The following WDR25 variants were observed in gnomAD, a reference collection of about 807,000 sequenced individuals.
WDR25 encodes WD repeat-containing protein 25.
WDR25 carries 35 observed loss-of-function variants against 47.7 expected under a neutral mutation model. The ratio of observed to expected loss-of-function variants is 0.73; its 90% CI spans 0.56 to 0.97. The LOEUF (loss-of-function observed/expected upper bound fraction) is 0.97. Ranked by LOEUF, WDR25 falls within the 50% of genes least tolerant of loss-of-function variation. WDR25 has a pLI of 0.00. For synonymous variants in WDR25, 248 were observed against 278.9 expected (o/e 0.89, Z 1.10); for missense variants, 634 against 704.7 (o/e 0.90, Z 1.14).
chr14:100,425,016 C>A lies in WDR25; in HGVS notation c.823-43005C>A, dbSNP rs906363471. On this transcript the variant is annotated intron_variant, in intron 2 of 6. Coordinates refer to ENST00000402312, the MANE Select transcript of WDR25 (RefSeq NM_001161476.3). This position sits in a 1 kb window ranked among gnomAD's most constrained non-coding sequence, Gnocchi z 4.8. The stretch of plus-strand genomic sequence containing the variant: ...CTGTCTGTTTCTCTCTTCATCCACA[C>A]CTTCCTGGCCCAGGCTACCATCATA... Among the ~76,000 whole-genome samples the A allele has an allele frequency of 6.6e-6, 1 of 152,188 alleles. No individual in the cohort carries two copies. Among genetic ancestry groups the A allele is most frequent in the East Asian group, 1.9e-4 (1 of 5,198 alleles).
intron 2 of WDR25, among the ~76,000 whole-genome samples, chr14:100,412,832 TTTG>T (rs1377342057): frequency 6.6e-6 from 1 of 152,200 alleles, no homozygotes; most frequent in African/African-American, 2.4e-5. Flanking sequence ...GCTGAATGGT[TTTG>T]TTGTTGTCGT....
chr14:100,498,555 G>A lies in WDR25; in HGVS notation c.1101+14431G>A, dbSNP rs1471128701. Among the ~76,000 whole-genome samples, 1 of 152,182 alleles carries A rather than the reference G, an allele frequency of 6.6e-6. No homozygotes were observed. Among genetic ancestry groups the A allele is most frequent in the Non-Finnish European group, 1.5e-5 (1 of 68,032 alleles). On this transcript the variant is annotated intron_variant, in intron 4 of 6. Coordinates refer to ENST00000402312, the MANE Select transcript of WDR25 (RefSeq NM_001161476.3). The surrounding 1 kb of genome is among the most constrained non-coding windows in gnomAD (Gnocchi z 4.2). ...GTCTTCCTAGTTTAGAGGATTCAGAGAAGCTGCAGGAAATGTCTCTTGCCC... is the reference window on the plus strand; with the variant it reads ...GTCTTCCTAGTTTAGAGGATTCAGAAAAGCTGCAGGAAATGTCTCTTGCCC...
chr14:100,491,348 G>A (rs529926281), intron 4 of WDR25, among the ~76,000 whole-genome samples: 1 of 152,330 alleles, frequency 6.6e-6, no homozygotes, highest in East Asian at 1.9e-4. Flanking sequence ...TGTTCACAGT[G>A]TGAATTCAGC....
Position 100,407,963 on chromosome 14 carries a change from C to A in WDR25, c.822+26217C>A, listed in dbSNP as rs932724137. Reference sequence around the variant, plus strand: ...AGTGGGAGAGGGTGCAAGAACTGGCCCTGGAGACAGGGGAGGGGTTGTGAG... The same window carrying A: ...AGTGGGAGAGGGTGCAAGAACTGGCACTGGAGACAGGGGAGGGGTTGTGAG... On this transcript the variant is annotated intron_variant, in intron 2 of 6. Transcript: ENST00000402312. The surrounding 1 kb of genome is among the most constrained non-coding windows in gnomAD (Gnocchi z 4.1). Among the ~76,000 whole-genome samples the A allele has an allele frequency of 6.6e-6, 1 of 152,046 alleles. No homozygotes were observed. The highest frequency in any genetic ancestry group is 2.4e-5 in the African/African-American group (1 of 41,390).
intron 2 of WDR25, among the ~76,000 whole-genome samples, chr14:100,410,034 C>G (rs112193855): frequency 2.6e-5 from 4 of 152,112 alleles, no homozygotes; most frequent in African/African-American, 9.7e-5. Context: ...TTTCAGTAGC[C>G]ACAAAAGTTT....
chr14:100,446,723 TGAG>T (rs1473362540), intron 2 of WDR25, among the ~76,000 whole-genome samples: 1 of 152,162 alleles, frequency 6.6e-6, no homozygotes, highest in African/African-American at 2.4e-5. Flanking sequence ...TGAGTAAGAA[TGAG>T]GAGGAGTGAC....
At chr14:100,444,782 G>C (rs192060724) in intron 2 of WDR25, among the ~76,000 whole-genome samples, 1 of 152,228 alleles carries the variant, frequency 6.6e-6, no homozygotes. Flanking sequence ...TTAGGGACTT[G>C]AGCCTGGTGT....
intron 3 of WDR25, chr14:100,480,854 A>G (rs991193584): frequency 4.1e-6 from 1 of 246,016 alleles, no homozygotes; most frequent in Non-Finnish European, 8.1e-6. Flanking sequence ...CTTTGCTTCG[A>G]TGGTGGATAA....
chr14:100,467,737 T>C (rs952634376), intron 2 of WDR25, among the ~76,000 whole-genome samples: 1 of 152,084 alleles, frequency 6.6e-6, no homozygotes, highest in African/African-American at 2.4e-5. Context: ...CTGCCCACCT[T>C]GGCCTCCCAA....
intron 2 of WDR25, chr14:100,381,991 G>A (rs1401751099): frequency 1.3e-5 from 9 of 693,000 alleles, no homozygotes; most frequent in African/African-American, 3.5e-5. Flanking sequence ...TATCCCTCTC[G>A]GAGGCCGTGA....
At chr14:100,414,619 A>C (rs1897816997) in intron 2 of WDR25, among the ~76,000 whole-genome samples, 1 of 152,104 alleles carries the variant, frequency 6.6e-6, no homozygotes, top group Non-Finnish European at 1.5e-5. Context: ...GGCCGCCTAG[A>C]GGTAGTTCTT....
rs1192913416 is a variant in WDR25 at position 100,425,682 on chromosome 14, C to T, written c.823-42339C>T. Among the ~76,000 whole-genome samples, 1 of 152,280 alleles carries T rather than the reference C, an allele frequency of 6.6e-6. No homozygotes were observed. The highest frequency in any genetic ancestry group is 2.1e-4 in the South Asian group (1 of 4,820). On this transcript the variant is annotated intron_variant, in intron 2 of 6. Coordinates refer to ENST00000402312, the MANE Select transcript of WDR25 (RefSeq NM_001161476.3). The surrounding 1 kb of genome is among the most constrained non-coding windows in gnomAD (Gnocchi z 4.8). ...TGTTAATGAGGTCCTGACAAGCTTT[C>T]GTTTTGAAGGAGTTCTCAAAAATGA...
chr14:100,466,128 T>C (rs1408464439), intron 2 of WDR25, among the ~76,000 whole-genome samples: 1 of 152,228 alleles, frequency 6.6e-6, no homozygotes. Context: ...TTATTCCACT[T>C]TGAAGTCTTC....
At chr14:100,381,831 G>A (rs1222990535) in intron 2 of WDR25, 85 bp downstream of exon 2, 6 of 1,185,746 alleles carry the variant, frequency 5.1e-6, no homozygotes. Flanking sequence ...GAGGTTACAG[G>A]CTGAACTTTT....
intron 2 of WDR25, among the ~76,000 whole-genome samples, chr14:100,393,346 T>G (rs1897184563): frequency 6.6e-6 from 1 of 152,252 alleles, no homozygotes; most frequent in Admixed American, 6.5e-5. Context: ...AAAACAGATT[T>G]TCATTGTCAC....
At chr14:100,388,346 G>A (rs140439664) in intron 2 of WDR25, among the ~76,000 whole-genome samples, 105 of 152,344 alleles carry the variant, frequency 6.9e-4, no homozygotes, top group African/African-American at 2.5e-3. Context: ...CATGCATAGC[G>A]TTCATCTGGT....
intron 3 of WDR25, among the ~76,000 whole-genome samples, chr14:100,478,413 C>T (rs181042854): frequency 8.5e-5 from 13 of 152,358 alleles, no homozygotes; most frequent in African/African-American, 3.1e-4. Flanking sequence ...GCTATACCAT[C>T]TCCTGCTTCC....
At chr14:100,400,528 A>G (rs1566891183) in intron 2 of WDR25, among the ~76,000 whole-genome samples, 1 of 152,254 alleles carries the variant, frequency 6.6e-6, no homozygotes. Flanking sequence ...TCCCAAAGGT[A>G]ACTTTGTTTA....
chr14:100,451,506 C>T (rs941012315), intron 2 of WDR25, among the ~76,000 whole-genome samples: 2 of 152,216 alleles, frequency 1.3e-5, no homozygotes, highest in Non-Finnish European at 2.9e-5. Flanking sequence ...AGGCATCAGC[C>T]ACCTTGCCTG....
Sources: gnomAD v4.1 joint callset for allele counts (sites outside exome capture counted in the v4.1 genomes callset) on GRCh38, gnomAD v4.1.1 for gene constraint, Gnocchi (gnomAD v3.1) non-coding constraint, MANE v1.5 for transcripts, NCBI Gene and HGNC (gene_info 2026-07-23, HGNC 2026-07-21) for gene names.